The following KCTD18 variants were observed in gnomAD, a reference collection of about 807,000 sequenced individuals.
The protein encoded by KCTD18 is potassium channel tetramerization domain containing 18, also known as BTB/POZ domain-containing protein KCTD18.
KCTD18 carries 22 observed loss-of-function variants against 30.4 expected under a neutral mutation model. The observed-to-expected ratio is 0.72, with a 90% CI of 0.52 to 1.03. KCTD18 has a LOEUF of 1.03. Ranked by LOEUF, KCTD18 falls within the 50% of genes least tolerant of loss-of-function variation. KCTD18 has a pLI of 0.00. For missense variants in KCTD18, 529 were observed against 547.6 expected (o/e 0.97, Z 0.34); for synonymous variants, 186 against 209.0 (o/e 0.89, Z 0.95).
At chr2:200,502,074 G>A (rs971984685) in intron 3 of KCTD18, among the ~76,000 whole-genome samples, 5 of 151,848 alleles carry the variant, frequency 3.3e-5, no homozygotes, top group African/African-American at 1.2e-4. Flanking sequence ...ACTTATAGGT[G>A]GGAATTGAAC....
In KCTD18 at chr2:200,488,992, C is replaced by T. The variant is rs781490846; in HGVS notation, c.*1108G>A. 2 of 152,070 alleles carry T rather than the reference C, an allele frequency of 1.3e-5. No individual in the cohort carries two copies. The highest frequency in any genetic ancestry group is 6.5e-5 in the Admixed American group (1 of 15,270). The allele number at this position is 152,070 out of a possible 1,614,324, so 9.4% of individuals were successfully genotyped here. ...AAAAGTTTTATTTGATTTTGTAAAA[C>T]GTAATGTTTTGAGTATACTTACTTT... On this transcript the variant is annotated 3_prime_UTR_variant, in exon 7 of 7. Transcript: ENST00000359878.
rs1262493490 is a variant in KCTD18, at chr2:200,499,734, A to G, written c.373-650T>C. Among the ~76,000 whole-genome samples, 5 of 151,836 alleles carry G rather than the reference A, an allele frequency of 3.3e-5. No individual in the cohort carries two copies. The East Asian group carries it at 7.7e-4, about 23-fold the overall frequency. On this transcript the variant is annotated intron_variant, in intron 3 of 6. Coordinates refer to ENST00000359878, the MANE Select transcript of KCTD18 (RefSeq NM_152387.4). ...AACTGGCACCATTCCTTCTGAAACTATTCCAATCAATAGAAAAAGAGGGAA... is the reference window on the plus strand; with the variant it reads ...AACTGGCACCATTCCTTCTGAAACTGTTCCAATCAATAGAAAAAGAGGGAA...
In KCTD18 at chr2:200,489,684, A is replaced by G. The variant is rs2087874588; in HGVS notation, c.*416T>C. ...TCTTGGCTGTGATATAGTACAGGGA[A>G]CCACTAATATCACCCCCTCCATTTT... is the stretch of plus-strand genomic sequence containing the variant. On this transcript the variant is annotated 3_prime_UTR_variant, in exon 7 of 7. Coordinates refer to ENST00000359878, the MANE Select transcript of KCTD18 (RefSeq NM_152387.4). 6.0e-6 allele frequency: 1 copy of G among 166,010 alleles called. No individual in the cohort carries two copies. Among genetic ancestry groups the G allele is most frequent in the East Asian group, 1.8e-4 (1 of 5,686 alleles). 10.3% of individuals were successfully genotyped at this position (166,010 alleles called of 1,614,324 possible).
chr2:200,498,291 A>G (rs2088028317), intron 4 of KCTD18, among the ~76,000 whole-genome samples: 1 of 152,228 alleles, frequency 6.6e-6, no homozygotes, highest in South Asian at 2.1e-4. Context: ...AGCTTATATG[A>G]TCCTTCATTA....
chr2:200,496,157 C>T (rs947053901), intron 5 of KCTD18: 1 of 152,388 alleles, frequency 6.6e-6, no homozygotes, highest in African/African-American at 2.4e-5. Context: ...ACCTCATGAT[C>T]CACCTGCCTC....
chr2:200,489,102 AG>A lies in KCTD18; in HGVS notation c.*997del, dbSNP rs1196318103. The A allele has an allele frequency of 6.6e-6, 1 of 152,642 alleles. No individual in the cohort carries two copies. Among genetic ancestry groups the A allele is most frequent in the African/African-American group, 2.4e-5 (1 of 41,468 alleles). The allele number at this position is 152,642 out of a possible 1,614,324, so 9.5% of individuals were successfully genotyped here. ...ATGAGCTTATTTTTTAACATAGTGA[AG>A]GCATACTCTCACTGAAAGTAGAAAT... is the stretch of plus-strand genomic sequence containing the variant. On this transcript the variant is annotated 3_prime_UTR_variant, in exon 7 of 7. Transcript: ENST00000359878.
intron 2 of KCTD18, among the ~76,000 whole-genome samples, chr2:200,505,803 A>G (rs1158297236): frequency 1.3e-5 from 2 of 152,110 alleles, no homozygotes; most frequent in Non-Finnish European, 2.9e-5. Context: ...AAAAAAGAAG[A>G]AACACTATGC....
intron 5 of KCTD18, among the ~76,000 whole-genome samples, chr2:200,494,659 G>A (rs1022583995): frequency 6.6e-6 from 1 of 152,026 alleles, no homozygotes; most frequent in Non-Finnish European, 1.5e-5. Flanking sequence ...TCCCAAATCC[G>A]GTCCATTAAG....
intron 5 of KCTD18, 54 bp from the exon 6 acceptor site, chr2:200,493,328 A>G (rs770738702): frequency 5.7e-6 from 6 of 1,047,280 alleles, no homozygotes; most frequent in Admixed American, 1.7e-5. Context: ...CAAAATGCTG[A>G]GCAACACTGT....
chr2:200,490,021 AAG>A lies in KCTD18; in HGVS notation c.*77_*78del. 1 of 1,422,762 alleles carries A rather than the reference AAG, an allele frequency of 7.0e-7. No individual in the cohort carries two copies. The highest frequency in any genetic ancestry group is 9.4e-7 in the Non-Finnish European group (1 of 1,065,404). The allele number at this position is 1,422,762 out of a possible 1,614,324, so 88.1% of individuals were successfully genotyped here. A position where few individuals can be genotyped will look rare whatever the true frequency, so the allele number is the denominator to read the frequency against. ...ACCTAAGCTTCCCCTCTGCTGCATT[AAG>A]AAAGTGTCACTTCTTTGCGTCGAAT... On this transcript the variant is annotated 3_prime_UTR_variant, in exon 7 of 7. Coordinates refer to ENST00000359878, the MANE Select transcript of KCTD18 (RefSeq NM_152387.4).
intron 5 of KCTD18, chr2:200,496,273 A>G (rs1483247784): frequency 6.6e-6 from 1 of 152,240 alleles, no homozygotes; most frequent in Non-Finnish European, 1.5e-5. Context: ...CAGAGGCACA[A>G]AGAGAGACAC....
In KCTD18 at chr2:200,490,405, AGCGCTG is replaced by A. The variant is rs749913269; in HGVS notation, c.970_975del (p.Gln324_Arg325del). On this transcript the variant is annotated inframe_deletion, in exon 7 of 7. Coordinates refer to ENST00000359878, the MANE Select transcript of KCTD18 (RefSeq NM_152387.4). ...AGGGCCGTGGCTCTGGAAGGTGCAGAGCGCTGAGCTGCCTTTCTGCGGCTACCACTT... is the reference window on the plus strand; with the variant it reads ...AGGGCCGTGGCTCTGGAAGGTGCAGAAGCTGCCTTTCTGCGGCTACCACTT... The A allele has an allele frequency of 2.0e-5, 33 of 1,614,022 alleles. No homozygotes were observed. The highest frequency in any genetic ancestry group is 2.8e-5 in the Non-Finnish European group (33 of 1,180,016).
At chr2:200,494,765 G>A (rs2087972275) in intron 5 of KCTD18, among the ~76,000 whole-genome samples, 3 of 152,106 alleles carry the variant, frequency 2.0e-5, no homozygotes, top group Admixed American at 2.0e-4. Flanking sequence ...TTTGACAAAT[G>A]GATATAGTTA....
intron 6 of KCTD18, among the ~76,000 whole-genome samples, chr2:200,492,813 A>G (rs189007847): frequency 4.6e-4 from 68 of 146,498 alleles, no homozygotes; most frequent in Non-Finnish European, 6.4e-4. Context: ...AGAAATTTCA[A>G]GTATTAAGTC....
intron 4 of KCTD18, among the ~76,000 whole-genome samples, chr2:200,498,456 G>C (rs1238040908): frequency 1.3e-5 from 2 of 152,216 alleles, no homozygotes; most frequent in African/African-American, 4.8e-5. Context: ...AGCTGGAAGG[G>C]ACCAGCAAGT....
chr2:200,493,329 G>C (rs1162447125), intron 5 of KCTD18, 55 bp from the exon 6 acceptor site: 1 of 1,046,016 alleles, frequency 9.6e-7, no homozygotes, highest in East Asian at 2.4e-5. Flanking sequence ...AAAATGCTGA[G>C]CAACACTGTT....
chr2:200,506,987 C>T lies in KCTD18; in HGVS notation c.30G>A (p.Val10=), dbSNP rs2030237416. The T allele has an allele frequency of 1.2e-6, 2 of 1,612,638 alleles. No individual in the cohort carries two copies. The highest frequency in any genetic ancestry group is 1.7e-6 in the Non-Finnish European group (2 of 1,179,136). Residue 10 remains valine (V), a synonymous_variant, in exon 2 of 7, where the codon GTG becomes GTA. Transcript: ENST00000359878. ...CCACGTTCAGTCGGAGAACATCTAG[C>T]ACCTCTTCTTCTGCCTTGTGGCCTT... The part of the protein sequence containing the change: MEGHKAEEE[V]LDVLRLNVGG...
At position 200,490,170 on chromosome 2, in the gene KCTD18, T is replaced by C. The variant is rs761595253; in HGVS notation, c.1211A>G (p.Lys404Arg). ...ACGGGCAGCTTCGCCGGGAAGCGGC[T>C]TGAGGGAGTTGGCCTGCCTCGTGGC... ...PTATRQANSL[K>R]PLPGEAARAL... The change falls in exon 7 of 7, where the codon AAG (lysine) becomes AGG (arginine). Residue 404 changes from lysine (K) to arginine (R), a missense_variant. Coordinates refer to ENST00000359878, the MANE Select transcript of KCTD18 (RefSeq NM_152387.4). 4.7e-5 allele frequency: 76 copies of C among 1,612,332 alleles called. 3 individuals carry two copies. The South Asian group carries it at 7.7e-4, about 16-fold the overall frequency.
chr2:200,500,096 A>C (rs1484376304), intron 3 of KCTD18, among the ~76,000 whole-genome samples: 1 of 151,412 alleles, frequency 6.6e-6, no homozygotes, highest in African/African-American at 2.4e-5. Flanking sequence ...CCTGCTAAAA[A>C]CTCTCAATAA....
Sources: gnomAD v4.1 joint callset for allele counts (sites outside exome capture counted in the v4.1 genomes callset) on GRCh38, gnomAD v4.1.1 for gene constraint, MANE v1.5 for transcripts, NCBI Gene and HGNC (gene_info 2026-07-23, HGNC 2026-07-21) for gene names.